MAGI2: variants seen among roughly 807,000 people sequenced by gnomAD.
MAGI2 encodes the protein membrane associated guanylate kinase, WW and PDZ domain containing 2.
A neutral mutation model predicts 133.3 loss-of-function variants in MAGI2; 35 were observed. The ratio of observed to expected loss-of-function variants is 0.26; its 90% CI spans 0.20 to 0.35. MAGI2 has a LOEUF of 0.35. MAGI2 is among the 10% of genes least tolerant of loss of function. The probability of loss-of-function intolerance (pLI) is 1.00; values close to 1 mark genes in which losing one functional copy is unlikely to be tolerated. For missense variants in MAGI2, 1,636 were observed against 1,863.4 expected (o/e 0.88, Z 2.25); for synonymous variants, 729 against 710.6 (o/e 1.03, Z -0.41).
At chr7:78,932,527 G>C (rs1324572640) in intron 2 of MAGI2, among the ~76,000 whole-genome samples, 2 of 151,814 alleles carry the variant, frequency 1.3e-5, no homozygotes, top group African/African-American at 2.4e-5. Flanking sequence ...AAAAAACACT[G>C]CATAAAGCTA....
At chr7:79,358,757 C>T (rs959522914) in intron 1 of MAGI2, among the ~76,000 whole-genome samples, 2 of 152,100 alleles carry the variant, frequency 1.3e-5, no homozygotes, top group African/African-American at 2.4e-5. Flanking sequence ...CTGGAACCAA[C>T]AGCAAGAAGG....
At chr7:78,180,563 C>T (rs1429522877) in intron 13 of MAGI2, among the ~76,000 whole-genome samples, 3 of 152,128 alleles carry the variant, frequency 2.0e-5, no homozygotes, top group Non-Finnish European at 4.4e-5. Flanking sequence ...CTCTGAAGAA[C>T]AGAGACACGA....
At chr7:78,839,818 A>G (rs973539549) in intron 2 of MAGI2, among the ~76,000 whole-genome samples, 7 of 152,050 alleles carry the variant, frequency 4.6e-5, no homozygotes, top group African/African-American at 1.7e-4. Context: ...GAACCAATTA[A>G]CTGTTCACTC....
chr7:78,752,637 C>T (rs1263743847), intron 2 of MAGI2, among the ~76,000 whole-genome samples: 1 of 152,228 alleles, frequency 6.6e-6, no homozygotes, highest in South Asian at 2.1e-4. Context: ...CACAGAAAGA[C>T]CCTGTCTAAC....
chr7:79,016,032 G>A (rs944903390), intron 1 of MAGI2, among the ~76,000 whole-genome samples: 12 of 148,438 alleles, frequency 8.1e-5, no homozygotes, highest in African/African-American at 3.0e-4. Context: ...CAGGCAAGGA[G>A]CAACACATTC....
At chr7:78,882,141 G>C in intron 2 of MAGI2, among the ~76,000 whole-genome samples, 1 of 77,024 alleles carries the variant, frequency 1.3e-5, no homozygotes, top group Non-Finnish European at 2.7e-5. Flanking sequence ...GAGAGAGAGA[G>C]AAGACCCAAA....
At chr7:79,303,615 T>C (rs1837543323) in intron 1 of MAGI2, among the ~76,000 whole-genome samples, 1 of 152,168 alleles carries the variant, frequency 6.6e-6, no homozygotes, top group African/African-American at 2.4e-5. Context: ...GGTTGGTTTG[T>C]TTGAATTGGT....
intron 11 of MAGI2, among the ~76,000 whole-genome samples, chr7:78,197,168 C>A (rs915220937): frequency 6.6e-6 from 1 of 152,188 alleles, no homozygotes; most frequent in African/African-American, 2.4e-5. Flanking sequence ...TCTGGGTTTC[C>A]TTGGTCATCC....
intron 20 of MAGI2, among the ~76,000 whole-genome samples, chr7:78,112,797 A>C (rs138497801): frequency 6.6e-6 from 1 of 152,338 alleles, no homozygotes; most frequent in East Asian, 1.9e-4. Context: ...ATGCTCTGGA[A>C]AGACAGACTT....
intron 1 of MAGI2, among the ~76,000 whole-genome samples, chr7:79,039,419 TC>T (rs1811413856): frequency 2.0e-5 from 3 of 152,286 alleles, no homozygotes; most frequent in Middle Eastern, 3.4e-3. Flanking sequence ...ATAATTCTTT[TC>T]TTTTTTTTAA....
At chr7:79,198,170 T>C (rs957019769) in intron 1 of MAGI2, among the ~76,000 whole-genome samples, 1 of 151,892 alleles carries the variant, frequency 6.6e-6, no homozygotes, top group Non-Finnish European at 1.5e-5. Context: ...GGAAGATCAC[T>C]TTAGCTCAGA....
chr7:79,452,368 C>T (rs1324738193), intron 1 of MAGI2, among the ~76,000 whole-genome samples: 1 of 152,214 alleles, frequency 6.6e-6, no homozygotes, highest in Admixed American at 6.5e-5. Flanking sequence ...ACGCGCGATG[C>T]CCACATGACA....
intron 1 of MAGI2, among the ~76,000 whole-genome samples, chr7:79,398,018 CAT>C (rs1563186697): frequency 2.6e-5 from 4 of 152,136 alleles, no homozygotes; most frequent in Non-Finnish European, 5.9e-5. Flanking sequence ...TATTTATTCT[CAT>C]ATGTTTTGTC....
At chr7:79,432,511 G>A (rs909632047) in intron 1 of MAGI2, among the ~76,000 whole-genome samples, 1 of 152,210 alleles carries the variant, frequency 6.6e-6, no homozygotes, top group Non-Finnish European at 1.5e-5. Flanking sequence ...CCTGAGTGGA[G>A]CTGCTCATAA....
At chr7:79,158,871 C>G (rs989691740) in intron 1 of MAGI2, among the ~76,000 whole-genome samples, 1 of 151,874 alleles carries the variant, frequency 6.6e-6, no homozygotes, top group African/African-American at 2.4e-5. Context: ...TATTAAGTAT[C>G]TAGATAATTT....
chr7:78,842,024 TA>T (rs1792187582), intron 2 of MAGI2, among the ~76,000 whole-genome samples: 1 of 151,934 alleles, frequency 6.6e-6, no homozygotes, highest in Non-Finnish European at 1.5e-5. Flanking sequence ...CATAGGTGCT[TA>T]AAAATGTTGT....
intron 20 of MAGI2, among the ~76,000 whole-genome samples, chr7:78,081,819 G>T (rs906420112): frequency 1.3e-5 from 2 of 152,304 alleles, no homozygotes; most frequent in Admixed American, 6.5e-5. Context: ...AGAGAAAGCT[G>T]GAAGACTGAG....
chr7:78,278,966 C>G (rs1335978495), intron 9 of MAGI2, among the ~76,000 whole-genome samples: 1 of 152,132 alleles, frequency 6.6e-6, no homozygotes, highest in African/African-American at 2.4e-5. Flanking sequence ...TGTATCTATT[C>G]AAACTTATTT....
At chr7:78,951,392 G>A (rs530209297) in intron 2 of MAGI2, among the ~76,000 whole-genome samples, 52 of 152,228 alleles carry the variant, frequency 3.4e-4, no homozygotes, top group African/African-American at 1.2e-3. Flanking sequence ...TGCATGGCTG[G>A]GGAGGTCTCA....
Sources: allele counts gnomAD v4.1 joint callset (sites outside exome capture counted in the v4.1 genomes callset), GRCh38; gene constraint gnomAD v4.1.1; transcripts MANE v1.5; gene names NCBI Gene and HGNC (gene_info 2026-07-23, HGNC 2026-07-21).